Variants in ITPR2 observed in about 807,000 individuals in gnomAD.
The protein encoded by ITPR2 is inositol 1,4,5-trisphosphate-gated calcium channel ITPR2.
In ITPR2, 207 loss-of-function variants were observed where a neutral mutation model predicts 317.1. The observed-to-expected ratio is 0.65, with a 90% CI of 0.58 to 0.73. ITPR2 has a LOEUF of 0.73. ITPR2 is among the 30% of genes least tolerant of loss of function. ITPR2 has a pLI of 0.00. For missense variants in ITPR2, 2,613 were observed against 3,284.0 expected (o/e 0.80, Z 4.99); for synonymous variants, 1,156 against 1,149.1 (o/e 1.01, Z -0.12).
chr12:26,565,434 G>A (rs1285876908), intron 34 of ITPR2, among the ~76,000 whole-genome samples: 1 of 148,218 alleles, frequency 6.7e-6, no homozygotes, highest in East Asian at 1.9e-4. Context: ...TTAAATGAAT[G>A]AAAATAGGAA....
intron 55 of ITPR2, among the ~76,000 whole-genome samples, chr12:26,359,982 T>C (rs556966138): frequency 4.5e-4 from 68 of 152,294 alleles, no homozygotes; most frequent in African/African-American, 1.5e-3. Flanking sequence ...AAAATGTAAA[T>C]TCCTCAAGTT....
intron 49 of ITPR2, among the ~76,000 whole-genome samples, chr12:26,420,434 G>A (rs890396956): frequency 3.3e-5 from 5 of 152,146 alleles, no homozygotes; most frequent in Non-Finnish European, 7.4e-5. Context: ...ACACTTTGAA[G>A]TAGATGTAAA....
At chr12:26,459,759 A>G (rs908202266) in intron 45 of ITPR2, among the ~76,000 whole-genome samples, 1 of 152,198 alleles carries the variant, frequency 6.6e-6, no homozygotes, top group Admixed American at 6.5e-5. Flanking sequence ...CTACATCTGC[A>G]ATTTCAAACA....
chr12:26,622,815 G>C (rs1332859880), intron 24 of ITPR2, among the ~76,000 whole-genome samples: 1 of 152,172 alleles, frequency 6.6e-6, no homozygotes, highest in Non-Finnish European at 1.5e-5. Flanking sequence ...GGGAGGAGTG[G>C]GGGAGGCCAG....
At chr12:26,377,081 T>C (rs9943808) in intron 55 of ITPR2, among the ~76,000 whole-genome samples, 4,096 of 152,218 alleles carry the variant, frequency 0.027, 185 homozygotes, top group African/African-American at 0.093. Flanking sequence ...ACCTGGCTCC[T>C]GGTTACTACT....
Position 26,462,252 on chromosome 12 carries a change from C to T in ITPR2, c.6342+13044G>A, listed in dbSNP as rs369964140. On this transcript the variant is annotated intron_variant, in intron 45 of 56. Coordinates refer to ENST00000381340, the MANE Select transcript of ITPR2 (RefSeq NM_002223.4). ...TGCCATCTCGGCTCACTGCAACCTC[C>T]GCCTCTCAGGTTCAAGTGATTCTCG... Among the ~76,000 whole-genome samples, 25 of 152,198 alleles carry T rather than the reference C, an allele frequency of 1.6e-4. No homozygotes were observed. In the South Asian group the frequency reaches 4.2e-3, roughly 25 times the overall value.
At chr12:26,812,485 A>G (rs7303260) in intron 1 of ITPR2, among the ~76,000 whole-genome samples, 27,676 of 152,066 alleles carry the variant, frequency 0.18, 2,598 homozygotes, top group East Asian at 0.34. Context: ...AGGCTGAGGC[A>G]GGAGAATGGC....
At chr12:26,626,918 C>T (rs934446875) in intron 23 of ITPR2, among the ~76,000 whole-genome samples, 2 of 151,954 alleles carry the variant, frequency 1.3e-5, no homozygotes, top group African/African-American at 4.8e-5. Flanking sequence ...ATAAGACATA[C>T]TTTTCAGCCT....
chr12:26,556,854 G>A (rs975738288), intron 35 of ITPR2, among the ~76,000 whole-genome samples: 3 of 151,972 alleles, frequency 2.0e-5, no homozygotes, highest in Non-Finnish European at 4.4e-5. Flanking sequence ...CAAGGCAGGT[G>A]GATTGCATGA....
Position 26,725,726 on chromosome 12 carries a change from G to A in ITPR2, c.203C>T (p.Ala68Val). The A allele has an allele frequency of 6.2e-7, 1 of 1,613,258 alleles. No individual in the cohort carries two copies. Among genetic ancestry groups the A allele is most frequent in the East Asian group, 2.2e-5 (1 of 44,844 alleles). The change falls in exon 3 of 57, where the codon GCC becomes GTC. Residue 68 changes from alanine (A) to valine (V), a missense_variant. Coordinates refer to ENST00000381340, the MANE Select transcript of ITPR2 (RefSeq NM_002223.4). ...FKVCPMNRYS[A>V]QKQYWKAKQA... ...CTTTGCTTTCCAATATTGCTTCTGGGCAGAATATCTGTTCATAGGGCACAC... is the reference window on the plus strand; with the variant it reads ...CTTTGCTTTCCAATATTGCTTCTGGACAGAATATCTGTTCATAGGGCACAC...
At chr12:26,523,841 C>A (rs944674029) in intron 37 of ITPR2, among the ~76,000 whole-genome samples, 2 of 152,220 alleles carry the variant, frequency 1.3e-5, no homozygotes, top group Non-Finnish European at 2.9e-5. Context: ...TTGCACAACA[C>A]GTGACGTGTC....
intron 37 of ITPR2, among the ~76,000 whole-genome samples, chr12:26,542,991 G>A (rs911040563): frequency 3.2e-4 from 48 of 152,136 alleles, no homozygotes; most frequent in African/African-American, 1.0e-3. Context: ...CTTAGGATTG[G>A]AGTTGACAGA....
intron 26 of ITPR2, among the ~76,000 whole-genome samples, chr12:26,607,684 TGTTTCCTCA>T (rs1425516418): frequency 1.3e-5 from 2 of 152,208 alleles, no homozygotes; most frequent in African/African-American, 2.4e-5. Flanking sequence ...TCCTTCCAGA[TGTTTCCTCA>T]AGTCAGGAGC....
At chr12:26,469,492 T>TC (rs2136806496) in intron 45 of ITPR2, among the ~76,000 whole-genome samples, 1 of 152,234 alleles carries the variant, frequency 6.6e-6, no homozygotes, top group Admixed American at 6.5e-5. Context: ...TCTAAATTGC[T>TC]CCCCAGAAAA....
At chr12:26,429,046 G>A (rs1025077524) in intron 48 of ITPR2, among the ~76,000 whole-genome samples, 7 of 152,036 alleles carry the variant, frequency 4.6e-5, no homozygotes, top group Non-Finnish European at 1.0e-4. Context: ...ATTTGCTACC[G>A]CATGCAAAAC....
intron 36 of ITPR2, 69 bp from the exon 37 acceptor site, chr12:26,550,424 G>C (rs1412267112): frequency 2.9e-6 from 2 of 700,838 alleles, no homozygotes; most frequent in Non-Finnish European, 4.9e-6. Context: ...AACATCAAAG[G>C]CCATAGGGGA....
In ITPR2 at chr12:26,526,794, T is replaced by C. The variant is rs147532246; in HGVS notation, c.5073+23453A>G. Among the ~76,000 whole-genome samples the C allele has an allele frequency of 1.0e-3, 153 of 152,202 alleles. 1 individual carries two copies. Among genetic ancestry groups the C allele is most frequent in the African/African-American group, 3.4e-3 (142 of 41,520 alleles). ...GCTGGGTGTATTCAAGAAACACTTA[T>C]AGGTAAAATCAACAAGACTAGCTGA... On this transcript the variant is annotated intron_variant, in intron 37 of 56. Coordinates refer to ENST00000381340, the MANE Select transcript of ITPR2 (RefSeq NM_002223.4).
chr12:26,832,600 C>T, intron 1 of ITPR2, 90 bp downstream of exon 1: 3 of 964,226 alleles, frequency 3.1e-6, no homozygotes, highest in South Asian at 3.2e-5. Context: ...CCACGCGCGG[C>T]AGCGGGAGGA....
At chr12:26,359,027 T>C (rs893055363) in intron 55 of ITPR2, among the ~76,000 whole-genome samples, 3 of 152,250 alleles carry the variant, frequency 2.0e-5, no homozygotes, top group Non-Finnish European at 4.4e-5. Context: ...TGCTTTGCTT[T>C]CCATCATTAG....
Sources: gnomAD v4.1 joint callset for allele counts (sites outside exome capture counted in the v4.1 genomes callset) on GRCh38, gnomAD v4.1.1 for gene constraint, MANE v1.5 for transcripts, NCBI Gene and HGNC (gene_info 2026-07-23, HGNC 2026-07-21) for gene names.